NRG1: variants seen among roughly 807,000 people sequenced by gnomAD.
NRG1 encodes pro-neuregulin-1, membrane-bound isoform.
A neutral mutation model predicts 63.8 loss-of-function variants in NRG1; 18 were observed. That is an observed-to-expected ratio of 0.28 (90% CI 0.19 to 0.42). The LOEUF is 0.42. NRG1 is among the 10% of genes least tolerant of loss of function. NRG1 has a pLI of 1.00. For synonymous variants in NRG1, 302 were observed against 301.3 expected (o/e 1.00, Z -0.02); for missense variants, 762 against 814.7 (o/e 0.94, Z 0.79).
intron 5 of NRG1, among the ~76,000 whole-genome samples, chr8:32,717,768 C>T (rs528034453): frequency 1.8e-4 from 27 of 152,114 alleles, no homozygotes; most frequent in African/African-American, 5.8e-4. Context: ...GCTGCATGGG[C>T]GACATTCTAA....
At chr8:32,040,738 G>GT (rs1342310325) in intron 1 of NRG1, among the ~76,000 whole-genome samples, 1,213 of 9,644 alleles carry the variant, frequency 0.13, 48 homozygotes, top group Middle Eastern at 0.33. Context: ...ATATATATAT[G>GT]AAATTTAGGC....
At chr8:31,677,451 C>T (rs1585596815) in intron 1 of NRG1, among the ~76,000 whole-genome samples, 1 of 152,016 alleles carries the variant, frequency 6.6e-6, no homozygotes. Context: ...GGCTTTTCTC[C>T]TATAACATTT....
intron 1 of NRG1, among the ~76,000 whole-genome samples, chr8:31,652,214 A>G (rs1804921101): frequency 2.6e-5 from 4 of 152,202 alleles, no homozygotes; most frequent in African/African-American, 7.2e-5. Flanking sequence ...ATACCAGATT[A>G]GTGACCACAT....
chr8:31,757,945 T>TATC (rs1020232363), intron 1 of NRG1, among the ~76,000 whole-genome samples: 65 of 152,200 alleles, frequency 4.3e-4, no homozygotes, highest in African/African-American at 1.4e-3. Context: ...CCTTCTCCTC[T>TATC]ATCACTCATA....
chr8:32,210,822 A>G (rs1844630590), intron 1 of NRG1, among the ~76,000 whole-genome samples: 1 of 152,198 alleles, frequency 6.6e-6, no homozygotes, highest in Non-Finnish European at 1.5e-5. Flanking sequence ...ATCTCTGTCT[A>G]CAGTAGCAGC....
At chr8:31,975,023 G>A (rs1807926256) in intron 1 of NRG1, among the ~76,000 whole-genome samples, 1 of 152,136 alleles carries the variant, frequency 6.6e-6, no homozygotes, top group Non-Finnish European at 1.5e-5. Flanking sequence ...TCAGAAGCAG[G>A]ACTAGGTTCT....
chr8:32,365,931 C>G (rs1359177224), intron 1 of NRG1, among the ~76,000 whole-genome samples: 1 of 152,116 alleles, frequency 6.6e-6, no homozygotes, highest in Admixed American at 6.6e-5. Context: ...TTGTACAAAA[C>G]TCTCCATTTG....
At chr8:32,025,718 C>A (rs149685667) in intron 1 of NRG1, among the ~76,000 whole-genome samples, 2,549 of 151,948 alleles carry the variant, frequency 0.017, 45 homozygotes, top group Middle Eastern at 0.054. Context: ...GAGGCCGAGG[C>A]GGGCGGATCA....
intron 1 of NRG1, among the ~76,000 whole-genome samples, chr8:31,834,206 T>G (rs917271852): frequency 1.3e-5 from 2 of 152,138 alleles, no homozygotes; most frequent in African/African-American, 4.8e-5. Flanking sequence ...GCCAACCACA[T>G]GATGCTGAGT....
intron 1 of NRG1, among the ~76,000 whole-genome samples, chr8:32,580,410 A>C (rs1840430200): frequency 6.6e-6 from 1 of 152,156 alleles, no homozygotes; most frequent in Non-Finnish European, 1.5e-5. Context: ...AGCTTCATAA[A>C]ATGCTAAAAT....
At chr8:32,764,138 T>C (rs926220609) in exon 12 of NRG1, 2 of 1,614,080 alleles carry the variant, frequency 1.2e-6, no homozygotes, top group Non-Finnish European at 8.5e-7. Context: ...CCAAGCCCAA[T>C]GGCCACATTG....
At chr8:32,233,563 A>ATATATATATATATATATTT (rs34593729) in intron 1 of NRG1, among the ~76,000 whole-genome samples, 1 of 67,264 alleles carries the variant, frequency 1.5e-5, no homozygotes, top group African/African-American at 7.8e-5. Flanking sequence ...ATATATATAT[A>ATATATATATATATATATTT]TTTTTTTTTT....
chr8:32,113,960 T>A (rs1253032242), intron 1 of NRG1, among the ~76,000 whole-genome samples: 1 of 152,222 alleles, frequency 6.6e-6, no homozygotes, highest in Admixed American at 6.5e-5. Context: ...TAGCACTCAA[T>A]AAATTGTAGA....
rs187455266 is a variant in NRG1, at chr8:31,703,433, A to C, written c.37+64002A>C. 7.3e-3 allele frequency among the ~76,000 whole-genome samples: 1,119 copies of C among 152,258 alleles called. 45 individuals are homozygous for C. In the South Asian group the frequency reaches 0.12, roughly 16 times the overall value. ...GCATATAAATTAAAGCTCACTTAAA[A>C]CTAAATTTATCAAGGAAATACATTT... On this transcript the variant is annotated intron_variant, in intron 1 of 10. Transcript: ENST00000519301.
chr8:32,110,126 A>T (rs1165145528), intron 1 of NRG1, among the ~76,000 whole-genome samples: 1 of 152,208 alleles, frequency 6.6e-6, no homozygotes, highest in Non-Finnish European at 1.5e-5. Context: ...GTTAGTTTTA[A>T]AAAATCTTGC....
At chr8:32,360,573 T>G (rs1459195081) in intron 1 of NRG1, among the ~76,000 whole-genome samples, 1 of 152,222 alleles carries the variant, frequency 6.6e-6, no homozygotes, top group East Asian at 1.9e-4. Flanking sequence ...ATTTTATAAT[T>G]GTGGAATTTC....
chr8:31,954,475 T>C (rs759483916), intron 1 of NRG1, among the ~76,000 whole-genome samples: 1 of 152,230 alleles, frequency 6.6e-6, no homozygotes, highest in Non-Finnish European at 1.5e-5. Context: ...CCTAAACACA[T>C]TGCATTAGTA....
intron 1 of NRG1, among the ~76,000 whole-genome samples, chr8:31,824,747 G>A (rs151262260): frequency 8.5e-5 from 13 of 152,262 alleles, no homozygotes; most frequent in Middle Eastern, 3.4e-3. Flanking sequence ...GAAACAAAGC[G>A]TACCACTTCC....
chr8:31,899,198 G>A lies in NRG1; in HGVS notation c.37+259767G>A, dbSNP rs554765269. 3.0e-3 allele frequency among the ~76,000 whole-genome samples: 456 copies of A among 151,924 alleles called. 3 individuals carry two copies. The highest frequency in any genetic ancestry group is 5.2e-3 in the South Asian group (25 of 4,818). On this transcript the variant is annotated intron_variant, in intron 1 of 10. Transcript: ENST00000519301. ...AGCTCACTGCAGCCTCAACCTCCTGGGCTCAAGTGATCCTCCTGCCTTGGC... is the reference window on the plus strand; with the variant it reads ...AGCTCACTGCAGCCTCAACCTCCTGAGCTCAAGTGATCCTCCTGCCTTGGC...
Sources: gnomAD v4.1 joint callset for allele counts (sites outside exome capture counted in the v4.1 genomes callset) on GRCh38, gnomAD v4.1.1 for gene constraint, MANE v1.5 for transcripts, NCBI Gene and HGNC (gene_info 2026-07-23, HGNC 2026-07-21) for gene names.